URI1: variants seen among roughly 807,000 people sequenced by gnomAD.
URI1 encodes the protein unconventional prefoldin RPB5 interactor 1.
A neutral mutation model predicts 60.2 loss-of-function variants in URI1; 39 were observed. The ratio of observed to expected loss-of-function variants is 0.65; its 90% CI spans 0.50 to 0.85. URI1 has a LOEUF of 0.85. Among genes scored for constraint, URI1 ranks in the 40% least tolerant of loss-of-function variants. The pLI, the probability that URI1 is intolerant of heterozygous loss-of-function variation, is 0.00. For synonymous variants in URI1, 251 were observed against 236.8 expected, an observed-to-expected ratio of 1.06 and a Z score of -0.55; for missense variants, 691 against 665.9, an observed-to-expected ratio of 1.04 and a Z score of -0.42.
At chr19:29,924,276 AG>A (rs2054846770) in intron 1 of URI1, among the ~76,000 whole-genome samples, 1 of 152,110 alleles carries the variant, frequency 6.6e-6, no homozygotes, top group East Asian at 1.9e-4. Flanking sequence ...AACCCAGTCA[AG>A]CTGACAGCTA....
intron 1 of URI1, among the ~76,000 whole-genome samples, chr19:29,954,841 T>G (rs1363921978): frequency 6.6e-6 from 1 of 152,070 alleles, no homozygotes; most frequent in African/African-American, 2.4e-5. Flanking sequence ...ACATTCACTT[T>G]TGACCTGTCC....
chr19:29,979,903 A>G (rs1599696234), intron 2 of URI1, among the ~76,000 whole-genome samples: 1 of 152,184 alleles, frequency 6.6e-6, no homozygotes, highest in Non-Finnish European at 1.5e-5. Context: ...GTGTAATGCT[A>G]TTGATTTAAT....
At chr19:29,961,285 ACT>A (rs1827828877) in intron 1 of URI1, among the ~76,000 whole-genome samples, 1 of 147,922 alleles carries the variant, frequency 6.8e-6, no homozygotes, top group Non-Finnish European at 1.5e-5. Flanking sequence ...CAAAACTGAA[ACT>A]CTGTTCATTA....
rs1599713701 is a variant in URI1, at chr19:29,996,049, C to A, written c.368-9312C>A. Among the ~76,000 whole-genome samples, 7 of 152,048 alleles carry A rather than the reference C, an allele frequency of 4.6e-5. No homozygotes were observed. In the East Asian group the frequency reaches 1.2e-3, roughly 25 times the overall value. ...TTTGAAAACAGAAAGATGAGACTTACAACTTAGTTTTTCTTTTTAAATATT... is the reference window on the plus strand; with the variant it reads ...TTTGAAAACAGAAAGATGAGACTTAAAACTTAGTTTTTCTTTTTAAATATT... On this transcript the variant is annotated intron_variant, in intron 4 of 10. Transcript: ENST00000392271.
At chr19:29,955,995 A>AT (rs2055242096) in intron 1 of URI1, among the ~76,000 whole-genome samples, 1 of 87,986 alleles carries the variant, frequency 1.1e-5, no homozygotes, top group Admixed American at 1.1e-4. Flanking sequence ...TTTTTTTTTT[A>AT]TTTTTTGAGA....
intron 4 of URI1, among the ~76,000 whole-genome samples, chr19:30,000,601 C>A (rs2055866616): frequency 6.6e-6 from 1 of 151,932 alleles, no homozygotes; most frequent in Non-Finnish European, 1.5e-5. Context: ...TCTGTTACCT[C>A]CTGTCTTTAA....
chr19:30,002,167 G>A (rs1289851344), intron 4 of URI1, among the ~76,000 whole-genome samples: 1 of 151,934 alleles, frequency 6.6e-6, no homozygotes, highest in Non-Finnish European at 1.5e-5. Context: ...CTCCTTTCAC[G>A]AATGATGTTC....
In URI1 at chr19:30,012,463, G is replaced by T; in HGVS notation, c.1357G>T (p.Glu453Ter). The T allele has an allele frequency of 6.2e-7, 1 of 1,614,198 alleles. No individual in the cohort carries two copies. The highest frequency in any genetic ancestry group is 8.5e-7 in the Non-Finnish European group (1 of 1,180,022). The change falls in exon 10 of 11, where the codon GAG becomes TAG. Residue 453 changes from glutamate to a stop codon, truncating the protein, a stop_gained. Coordinates refer to ENST00000392271, the MANE Select transcript of URI1 (RefSeq NM_003796.3). LOFTEE classifies it high-confidence loss of function. ...CEEATCSDTS[E>*]SILEEEPQEN... ...AGAAGCCACTTGCAGTGACACCAGT[G>T]AGAGCATTTTGGAAGAGGAACCACA...
chr19:30,006,372 C>T (rs1294025545), intron 6 of URI1, among the ~76,000 whole-genome samples: 2 of 152,034 alleles, frequency 1.3e-5, no homozygotes, highest in African/African-American at 2.4e-5. Flanking sequence ...ACTGAGCATT[C>T]GTTTTGACTT....
chr19:29,993,939 T>A (rs1183315512), intron 4 of URI1, among the ~76,000 whole-genome samples: 1 of 152,206 alleles, frequency 6.6e-6, no homozygotes, highest in African/African-American at 2.4e-5. Context: ...TGTCTTATTC[T>A]TTTCATGGCT....
intron 1 of URI1, among the ~76,000 whole-genome samples, chr19:29,960,954 A>C (rs1173602537): frequency 6.6e-6 from 1 of 152,086 alleles, no homozygotes; most frequent in South Asian, 2.1e-4. Context: ...CCTGAGCTCA[A>C]GTGATCCTGC....
rs922261203 is a variant in URI1, at chr19:29,942,526, C to T, written c.-22C>T. On this transcript the variant is annotated 5_prime_UTR_variant, in exon 1 of 11. Transcript: ENST00000392271. ...GCGCTGGTTCAGGACTCACACGCCG[C>T]GCTGAGGCCCGCGGGCCCGTCATGG... is the stretch of plus-strand genomic sequence containing the variant. 4 of 1,370,462 alleles carry T rather than the reference C, an allele frequency of 2.9e-6. No homozygotes were observed. The highest frequency in any genetic ancestry group is 3.8e-6 in the Non-Finnish European group (4 of 1,060,992). 84.9% of individuals were successfully genotyped at this position (1,370,462 alleles called of 1,614,324 possible).
chr19:30,008,773 T>A (rs1483552689), intron 7 of URI1, among the ~76,000 whole-genome samples: 1 of 152,018 alleles, frequency 6.6e-6, no homozygotes, highest in Non-Finnish European at 1.5e-5. Flanking sequence ...GATAAAAAAA[T>A]TATCTTCTAT....
chr19:30,000,825 G>A (rs889800111), intron 4 of URI1, among the ~76,000 whole-genome samples: 2 of 151,892 alleles, frequency 1.3e-5, no homozygotes, highest in Admixed American at 6.6e-5. Context: ...TCCTCCAGCC[G>A]TGGGAAATTT....
At chr19:29,979,268 T>C (rs887724862) in intron 2 of URI1, among the ~76,000 whole-genome samples, 1 of 152,114 alleles carries the variant, frequency 6.6e-6, no homozygotes. Context: ...ATAGAAAATT[T>C]GGAAAATAAA....
chr19:29,980,836 C>T (rs1272076468), intron 2 of URI1, among the ~76,000 whole-genome samples: 3 of 147,008 alleles, frequency 2.0e-5, no homozygotes, highest in African/African-American at 5.0e-5. Flanking sequence ...GCAGGAGAAT[C>T]GCTTGAACCT....
At chr19:29,994,102 G>A (rs2055781400) in intron 4 of URI1, among the ~76,000 whole-genome samples, 1 of 151,850 alleles carries the variant, frequency 6.6e-6, no homozygotes, top group African/African-American at 2.4e-5. Flanking sequence ...GTACTTGTGT[G>A]TATCTGTAGT....
chr19:29,936,792 G>A (rs915944930), intron 1 of URI1, among the ~76,000 whole-genome samples: 2 of 151,812 alleles, frequency 1.3e-5, no homozygotes, highest in Non-Finnish European at 1.5e-5. Context: ...TCACTCTATT[G>A]CCCAGGCTGG....
At chr19:29,928,231 T>C (rs1378552534) in intron 1 of URI1, among the ~76,000 whole-genome samples, 1 of 152,132 alleles carries the variant, frequency 6.6e-6, no homozygotes, top group African/African-American at 2.4e-5. Context: ...TTTGGCTGGT[T>C]TGCTAGCAGC....
Sources: gnomAD v4.1 joint callset for allele counts (sites outside exome capture counted in the v4.1 genomes callset) on GRCh38, gnomAD v4.1.1 for gene constraint, MANE v1.5 for transcripts, NCBI Gene and HGNC (gene_info 2026-07-23, HGNC 2026-07-21) for gene names.